The following LGR6 variants were observed in gnomAD, a reference collection of about 807,000 sequenced individuals.
LGR6 encodes the protein leucine-rich repeat-containing G protein-coupled receptor 6.
A neutral mutation model predicts 69.4 loss-of-function variants in LGR6; 45 were observed. The ratio of observed to expected loss-of-function variants is 0.65; its 90% CI spans 0.51 to 0.83. The LOEUF is 0.83. Among genes scored for constraint, LGR6 ranks in the 40% least tolerant of loss-of-function variants. LGR6 has a pLI of 0.00. For missense variants in LGR6, 1,108 were observed against 1,246.7 expected, an observed-to-expected ratio of 0.89 and a Z score of 1.68; for synonymous variants, 538 against 555.0, an observed-to-expected ratio of 0.97 and a Z score of 0.43.
chr1:202,235,779 G>T, intron 3 of LGR6, 143 bp from the exon 4 acceptor site: 1 of 674,070 alleles, frequency 1.5e-6, no homozygotes, highest in Non-Finnish European at 2.6e-6. Flanking sequence ...AGGGGAGCTG[G>T]ACCAGACTCT....
intron 1 of LGR6, among the ~76,000 whole-genome samples, chr1:202,202,443 C>G (rs917437229): frequency 3.3e-5 from 5 of 152,210 alleles, no homozygotes; most frequent in African/African-American, 1.2e-4. Context: ...CCCATCTGGG[C>G]ACACACCTGG....
chr1:202,231,431 G>T (rs1016717833), intron 3 of LGR6, among the ~76,000 whole-genome samples: 2 of 152,188 alleles, frequency 1.3e-5, no homozygotes, highest in African/African-American at 2.4e-5. Flanking sequence ...ATGAGGCAAG[G>T]CCTGCTGCCC....
At chr1:202,299,329 T>C (rs931157384) in intron 7 of LGR6, among the ~76,000 whole-genome samples, 2 of 148,524 alleles carry the variant, frequency 1.3e-5, no homozygotes, top group African/African-American at 5.0e-5. Context: ...GTCACCAAGG[T>C]CTAACTTTTT....
At chr1:202,285,132 C>G (rs144941374) in intron 6 of LGR6, among the ~76,000 whole-genome samples, 355 of 152,352 alleles carry the variant, frequency 2.3e-3, no homozygotes, top group Non-Finnish European at 3.0e-3. Context: ...CAAATCTCCT[C>G]TGGTGATGGA....
chr1:202,203,195 T>A (rs1571804170), intron 1 of LGR6, among the ~76,000 whole-genome samples: 1 of 152,124 alleles, frequency 6.6e-6, no homozygotes, highest in East Asian at 1.9e-4. Context: ...AAGTTAGAAT[T>A]GCCCCCCTAC....
intron 1 of LGR6, among the ~76,000 whole-genome samples, chr1:202,195,436 C>T (rs1658604376): frequency 6.6e-6 from 1 of 152,184 alleles, no homozygotes. Flanking sequence ...GGGATGTCCC[C>T]CTCCACTCCA....
At chr1:202,238,574 C>G (rs1017267342) in intron 4 of LGR6, among the ~76,000 whole-genome samples, 2 of 151,924 alleles carry the variant, frequency 1.3e-5, no homozygotes, top group African/African-American at 4.8e-5. Flanking sequence ...CAGGCGTGGG[C>G]TACCACGCCC....
chr1:202,212,076 CA>C (rs1400615259), intron 1 of LGR6, among the ~76,000 whole-genome samples: 1 of 152,192 alleles, frequency 6.6e-6, no homozygotes, highest in Non-Finnish European at 1.5e-5. Context: ...TGTCGATGGG[CA>C]ACCAGACATG....
chr1:202,309,174 G>A lies in LGR6; in HGVS notation c.1404G>A (p.Leu468=). The change falls in exon 15 of 18, where the codon CTG becomes CTA. Residue 468 remains leucine (L), a splice_region_variant and synonymous_variant. Coordinates refer to ENST00000367278, the MANE Select transcript of LGR6 (RefSeq NM_001017403.2). ...QAFSKDSFPK[L]RILEVPYAYQ... Reference sequence around the variant, plus strand: ...TCTCCAAGGACAGTTTCCCAAAACTGAGGTGAGGGACTGGCTTTCCCCAAC... The same window carrying A: ...TCTCCAAGGACAGTTTCCCAAAACTAAGGTGAGGGACTGGCTTTCCCCAAC... 1 of 1,613,972 alleles carries A rather than the reference G, an allele frequency of 6.2e-7. No individual in the cohort carries two copies. Among genetic ancestry groups the A allele is most frequent in the Non-Finnish European group, 8.5e-7 (1 of 1,179,916 alleles).
At chr1:202,248,787 A>G (rs1042692584) in intron 4 of LGR6, among the ~76,000 whole-genome samples, 2 of 152,094 alleles carry the variant, frequency 1.3e-5, no homozygotes, top group African/African-American at 4.8e-5. Flanking sequence ...TGCCCTCCCC[A>G]TGTTTCCTAG....
intron 4 of LGR6, among the ~76,000 whole-genome samples, chr1:202,241,745 C>T (rs115837070): frequency 5.3e-4 from 81 of 152,058 alleles, no homozygotes; most frequent in African/African-American, 1.8e-3. Context: ...TGGGGAGCTC[C>T]GGTGGGCTGG....
chr1:202,239,182 C>A (rs933043074), intron 4 of LGR6, among the ~76,000 whole-genome samples: 2 of 152,146 alleles, frequency 1.3e-5, no homozygotes, highest in African/African-American at 2.4e-5. Context: ...TGCTGTCTTG[C>A]TGGCGTACGC....
chr1:202,295,556 C>T (rs1667094148), intron 6 of LGR6, among the ~76,000 whole-genome samples: 1 of 152,176 alleles, frequency 6.6e-6, no homozygotes, highest in Non-Finnish European at 1.5e-5. Context: ...TTCTCCCAGT[C>T]TGGTTTTCTA....
At chr1:202,230,282 C>T (rs762451120) in intron 3 of LGR6, among the ~76,000 whole-genome samples, 6 of 152,084 alleles carry the variant, frequency 3.9e-5, no homozygotes, top group African/African-American at 7.2e-5. Context: ...CATCCCTGCC[C>T]GATCTGGAGA....
intron 1 of LGR6, among the ~76,000 whole-genome samples, chr1:202,212,216 G>A (rs1659490042): frequency 1.3e-5 from 2 of 152,106 alleles, no homozygotes; most frequent in African/African-American, 2.4e-5. Flanking sequence ...TAGATCCAAG[G>A]GAGTCTCAAG....
At chr1:202,269,408 T>C (rs1664918777) in intron 4 of LGR6, among the ~76,000 whole-genome samples, 1 of 152,192 alleles carries the variant, frequency 6.6e-6, no homozygotes, top group Non-Finnish European at 1.5e-5. Context: ...TTCTCTGAGC[T>C]TTCAGCATCT....
chr1:202,237,991 A>C (rs1305421171), intron 4 of LGR6, among the ~76,000 whole-genome samples: 1 of 152,098 alleles, frequency 6.6e-6, no homozygotes, highest in Non-Finnish European at 1.5e-5. Flanking sequence ...TGCAAAAAAA[A>C]AAAAAAAGAC....
chr1:202,205,503 TCAAA>T (rs1659168829), intron 1 of LGR6, among the ~76,000 whole-genome samples: 1 of 1,216 alleles, frequency 8.2e-4, no homozygotes, highest in South Asian at 0.038. Flanking sequence ...ACACCCTGCT[TCAAA>T]CACACACACC....
At chr1:202,212,363 G>A (rs1049828778) in intron 1 of LGR6, among the ~76,000 whole-genome samples, 2 of 152,192 alleles carry the variant, frequency 1.3e-5, no homozygotes, top group African/African-American at 4.8e-5. Flanking sequence ...AGCACACTGA[G>A]GCTCTGCTGA....
Sources: allele counts gnomAD v4.1 joint callset (sites outside exome capture counted in the v4.1 genomes callset), GRCh38; gene constraint gnomAD v4.1.1; transcripts MANE v1.5; gene names NCBI Gene and HGNC (gene_info 2026-07-23, HGNC 2026-07-21).